Variants in ARIH1 observed in about 807,000 individuals in gnomAD.
The protein encoded by ARIH1 is E3 ubiquitin-protein ligase ARIH1.
ARIH1 carries 8 observed loss-of-function variants against 85.0 expected under a neutral mutation model. That is an observed-to-expected ratio of 0.09 (90% CI 0.06 to 0.17). ARIH1 has a LOEUF of 0.17. Among genes scored for constraint, ARIH1 ranks in the 10% least tolerant of loss-of-function variants. The pLI is 1.00. For missense variants in ARIH1, 311 were observed against 718.1 expected (o/e 0.43, Z 6.48); for synonymous variants, 238 against 253.6 (o/e 0.94, Z 0.59).
chr15:72,487,267 C>T (rs527242646), intron 1 of ARIH1, among the ~76,000 whole-genome samples: 2 of 152,118 alleles, frequency 1.3e-5, no homozygotes, highest in East Asian at 1.9e-4. Flanking sequence ...TAGCTATCAT[C>T]CTAGACACTT....
At chr15:72,555,396 T>C in intron 4 of ARIH1, 33 bp downstream of exon 4, 2 of 1,514,796 alleles carry the variant, frequency 1.3e-6, no homozygotes, top group Non-Finnish European at 1.8e-6. Flanking sequence ...CAGTTTTTGT[T>C]GAATTTCCTA....
chr15:72,599,463 G>A lies in ARIH1; in HGVS notation c.*16171G>A, dbSNP rs1283672731. ...CACAGAGACAAATATCTTACCAGTTGGTTGTGTTTTCTTTTCCAAACTGTA... is the reference window on the plus strand; with the variant it reads ...CACAGAGACAAATATCTTACCAGTTAGTTGTGTTTTCTTTTCCAAACTGTA... On this transcript the variant is annotated 3_prime_UTR_variant, in exon 14 of 14. Transcript: ENST00000379887. 2 of 151,994 alleles carry A rather than the reference G, an allele frequency of 1.3e-5. No individual in the cohort carries two copies. The highest frequency in any genetic ancestry group is 2.9e-5 in the Non-Finnish European group (2 of 67,970). 9.4% of individuals were successfully genotyped at this position (151,994 alleles called of 1,614,324 possible).
At chr15:72,583,014 A>G (rs2064300676) in intron 13 of ARIH1, among the ~76,000 whole-genome samples, 194 bp from the exon 14 acceptor site, 1 of 152,196 alleles carries the variant, frequency 6.6e-6, no homozygotes, top group Admixed American at 6.5e-5. Flanking sequence ...CTTTCAGAAA[A>G]TACCATTTTA....
Position 72,587,531 on chromosome 15 carries a change from C to G in ARIH1, c.*4239C>G. 1 of 246,162 alleles carries G rather than the reference C, an allele frequency of 4.1e-6. No homozygotes were observed. The highest frequency in any genetic ancestry group is 8.0e-6 in the Non-Finnish European group (1 of 125,160). 15.2% of individuals were successfully genotyped at this position (246,162 alleles called of 1,614,324 possible). On this transcript the variant is annotated 3_prime_UTR_variant, in exon 14 of 14. Coordinates refer to ENST00000379887, the MANE Select transcript of ARIH1 (RefSeq NM_005744.5). ...TCCATTGTAAAGAATTTTGGATAGT[C>G]TGCAGGAAATTGTTACAGGATGCAC...
In ARIH1 at chr15:72,479,993, G is replaced by T. The variant is rs936502420; in HGVS notation, c.375+4979G>T. ...CGCCATTCTTCTGCCTCAGCCTCCCGAGTAGCTGGGACTACAGGCAGCCGC... is the reference window on the plus strand; with the variant it reads ...CGCCATTCTTCTGCCTCAGCCTCCCTAGTAGCTGGGACTACAGGCAGCCGC... On this transcript the variant is annotated intron_variant, in intron 1 of 13. Transcript: ENST00000379887. Among the ~76,000 whole-genome samples, 5 of 151,244 alleles carry T rather than the reference G, an allele frequency of 3.3e-5. No individual in the cohort carries two copies. The South Asian group carries it at 6.3e-4, about 19-fold the overall frequency.
intron 1 of ARIH1, among the ~76,000 whole-genome samples, chr15:72,480,145 A>G (rs2140390125): frequency 6.6e-6 from 1 of 152,276 alleles, no homozygotes; most frequent in Non-Finnish European, 1.5e-5. Flanking sequence ...CTGGGATTAC[A>G]GGCATGAGCC....
At chr15:72,491,979 A>G (rs1567338334) in intron 1 of ARIH1, among the ~76,000 whole-genome samples, 1 of 152,212 alleles carries the variant, frequency 6.6e-6, no homozygotes, top group Non-Finnish European at 1.5e-5. Context: ...ATACAGGCTG[A>G]GTCAATGGGC....
intron 2 of ARIH1, among the ~76,000 whole-genome samples, chr15:72,532,948 A>G (rs926838092): frequency 1.3e-5 from 2 of 152,252 alleles, no homozygotes; most frequent in Non-Finnish European, 2.9e-5. Context: ...AAACATTTGT[A>G]GGAGATATCA....
At chr15:72,540,356 T>G (rs2064101678) in intron 2 of ARIH1, among the ~76,000 whole-genome samples, 1 of 151,616 alleles carries the variant, frequency 6.6e-6, no homozygotes, top group Non-Finnish European at 1.5e-5. Flanking sequence ...ACCAAAGGGA[T>G]GATCAATGTA....
At chr15:72,547,574 C>G (rs960010432) in intron 3 of ARIH1, among the ~76,000 whole-genome samples, 1 of 152,146 alleles carries the variant, frequency 6.6e-6, no homozygotes, top group Non-Finnish European at 1.5e-5. Context: ...GATACTCTTT[C>G]AATTTTCTTC....
intron 3 of ARIH1, among the ~76,000 whole-genome samples, chr15:72,554,233 C>G (rs1477885963): frequency 6.6e-6 from 1 of 152,126 alleles, no homozygotes; most frequent in East Asian, 1.9e-4. Flanking sequence ...AGTATATACC[C>G]AGGATTAGAA....
At chr15:72,558,722 A>T (rs1416140967) in intron 5 of ARIH1, among the ~76,000 whole-genome samples, 3 of 152,188 alleles carry the variant, frequency 2.0e-5, no homozygotes, top group Non-Finnish European at 4.4e-5. Context: ...ATGGATGCTC[A>T]CTTTCTTTTA....
At chr15:72,540,336 TC>T (rs1312145475) in intron 2 of ARIH1, among the ~76,000 whole-genome samples, 5 of 151,780 alleles carry the variant, frequency 3.3e-5, no homozygotes, top group Non-Finnish European at 5.9e-5. Context: ...TTTAGGAAGT[TC>T]TGACCAAAAC....
intron 1 of ARIH1, among the ~76,000 whole-genome samples, chr15:72,492,847 G>C (rs2063864905): frequency 6.6e-6 from 1 of 152,134 alleles, no homozygotes; most frequent in African/African-American, 2.4e-5. Context: ...AAGTATTCTA[G>C]TCACCCTTAG....
chr15:72,567,062 TAA>T (rs1430878735), intron 8 of ARIH1, 42 bp from the exon 9 acceptor site: 11 of 1,468,420 alleles, frequency 7.5e-6, no homozygotes, highest in Non-Finnish European at 1.0e-5. Context: ...TTGCTATTTT[TAA>T]AAGTCTTTTG....
At chr15:72,534,135 C>T (rs1230480707) in intron 2 of ARIH1, among the ~76,000 whole-genome samples, 1 of 152,072 alleles carries the variant, frequency 6.6e-6, no homozygotes, top group Non-Finnish European at 1.5e-5. Context: ...TACCTATCTA[C>T]TATATGGTTC....
chr15:72,482,680 T>C (rs928486642), intron 1 of ARIH1, among the ~76,000 whole-genome samples: 1 of 152,148 alleles, frequency 6.6e-6, no homozygotes, highest in Non-Finnish European at 1.5e-5. Context: ...TTTTGCCTTA[T>C]GTTACCCCAA....
At position 72,572,098 on chromosome 15, in the gene ARIH1, T is replaced by C; in HGVS notation, c.1158-10T>C. 6.4e-7 allele frequency: 1 copy of C among 1,573,080 alleles called. No homozygotes were observed. The highest frequency in any genetic ancestry group is 8.6e-7 in the Non-Finnish European group (1 of 1,159,772). On this transcript the variant is annotated splice_polypyrimidine_tract_variant and intron_variant, in intron 10 of 13. Transcript: ENST00000379887. ...TTTTTCTTTATGGAATCCTCTTTAT[T>C]TACTTGAAGGTACAACTGTAACCGC... is the stretch of plus-strand genomic sequence containing the variant.
At position 72,585,779 on chromosome 15, in the gene ARIH1, GC is replaced by G. The variant is rs2064313792; in HGVS notation, c.*2488del. 1 of 152,122 alleles carries G rather than the reference GC, an allele frequency of 6.6e-6. No homozygotes were observed. Among genetic ancestry groups the G allele is most frequent in the Non-Finnish European group, 1.5e-5 (1 of 68,034 alleles). 9.4% of individuals were successfully genotyped at this position (152,122 alleles called of 1,614,324 possible). On this transcript the variant is annotated 3_prime_UTR_variant, in exon 14 of 14. Transcript: ENST00000379887. ...TGAACTGGCCCTTTTCTACTTCCAA[GC>G]TTTTAACAGATACCACCATATTTGA... is the stretch of plus-strand genomic sequence containing the variant.
Sources: allele counts gnomAD v4.1 joint callset (sites outside exome capture counted in the v4.1 genomes callset), GRCh38; gene constraint gnomAD v4.1.1; transcripts MANE v1.5; gene names NCBI Gene and HGNC (gene_info 2026-07-23, HGNC 2026-07-21).